MUC6: variants seen among roughly 807,000 people sequenced by gnomAD.
MUC6 encodes the protein mucin-6.
MUC6 carries 188 observed loss-of-function variants against 201.5 expected under a neutral mutation model. That is an observed-to-expected ratio of 0.93 (90% CI 0.83 to 1.05). MUC6 has a LOEUF of 1.05. MUC6 is among the 50% of genes least tolerant of loss of function. MUC6 has a pLI of 0.00. For synonymous variants in MUC6, 1,228 were observed against 1,389.4 expected (o/e 0.88, Z 2.58); for missense variants, 2,706 against 3,256.9 (o/e 0.83, Z 4.12).
At position 1,026,366 on chromosome 11, in the gene MUC6, T is replaced by A; in HGVS notation, c.2507A>T (p.Tyr836Phe). 2 of 1,602,490 alleles carry A rather than the reference T, an allele frequency of 1.2e-6. No homozygotes were observed. The change falls in exon 20 of 33, where the codon TAC (tyrosine) becomes TTC (phenylalanine). Residue 836 changes from tyrosine to phenylalanine, a missense_variant. Tyr to Phe is a conservative substitution (Grantham distance 22). Around this residue, in one of 10 missense-constraint regions of MUC6, gnomAD observed 1,850 missense variants for 1,958.3 expected, o/e 0.94. Transcript: ENST00000421673. Reference sequence around the variant, plus strand: ...AGTGTGGAGCTCAGCTCCTCCAGGGTAGGAGACCCCCGAGAACTCACATGG... The same window carrying A: ...AGTGTGGAGCTCAGCTCCTCCAGGGAAGGAGACCCCCGAGAACTCACATGG... Reference protein sequence around the residue: ...ECPCEFSGVSYPGGAELHTDC... With the variant: ...ECPCEFSGVSFPGGAELHTDC...
At chr11:1,036,054 G>C (rs530940682) in intron 1 of MUC6, among the ~76,000 whole-genome samples, 1 of 152,040 alleles carries the variant, frequency 6.6e-6, no homozygotes, top group Non-Finnish European at 1.5e-5. Context: ...CGGGGGAGAG[G>C]GCAGGCTGCC....
In MUC6 at chr11:1,033,845, G is replaced by C. The variant is rs972071006; in HGVS notation, c.53-770C>G. 2.6e-5 allele frequency among the ~76,000 whole-genome samples: 4 copies of C among 151,950 alleles called. No individual in the cohort carries two copies. The highest frequency in any genetic ancestry group is 5.9e-5 in the Non-Finnish European group (4 of 67,952). On this transcript the variant is annotated intron_variant, in intron 1 of 32. Transcript: ENST00000421673. The surrounding 1 kb of genome is among the most constrained non-coding windows in gnomAD (Gnocchi z 5.6). The stretch of plus-strand genomic sequence containing the variant: ...TGGCTCCCACGAGCCCCCGATGTCT[G>C]AGTGGTGGTGCGGCACCTGAGCAGG...
intron 26 of MUC6, among the ~76,000 whole-genome samples, chr11:1,023,215 G>A (rs1319209811): frequency 2.0e-5 from 3 of 152,034 alleles, no homozygotes; most frequent in African/African-American, 7.2e-5. Context: ...ATGAATGAAT[G>A]TGTGTGTAGT....
At chr11:1,028,601 T>C (rs370823043) in intron 13 of MUC6, 45 bp downstream of exon 13, 9 of 1,592,448 alleles carry the variant, frequency 5.7e-6, no homozygotes, top group African/African-American at 1.3e-5. Context: ...GGCCAGACCC[T>C]GTAGGGATGA....
chr11:1,015,558 C>T (rs751617673), intron 31 of MUC6, among the ~76,000 whole-genome samples: 18 of 152,102 alleles, frequency 1.2e-4, no homozygotes, highest in Non-Finnish European at 2.5e-4. Flanking sequence ...GGAGGCCAGG[C>T]ACTTGCTTGG....
rs1463476878 is a variant in MUC6, at chr11:1,012,832, AAGAACC to A, written c.*618_*623del. On this transcript the variant is annotated 3_prime_UTR_variant, in exon 33 of 33. Transcript: ENST00000421673. ...CAGGGACCAGCCTCTGTGCCTTGAC[AAGAACC>A]GGTTTATTTGGAGTCTCTGACCGGG... 3.3e-5 allele frequency: 5 copies of A among 153,194 alleles called. No homozygotes were observed. The highest frequency in any genetic ancestry group is 1.2e-4 in the African/African-American group (5 of 41,574). 9.5% of individuals were successfully genotyped at this position (153,194 alleles called of 1,614,324 possible).
At chr11:1,021,085 G>A (rs1399616024) in intron 27 of MUC6, 130 bp downstream of exon 27, 15 of 906,606 alleles carry the variant, frequency 1.7e-5, no homozygotes, top group African/African-American at 5.1e-5. Context: ...GTCCTGGAGA[G>A]TGGAGTCCCA....
At chr11:1,021,138 T>C (rs2133822278) in intron 27 of MUC6, 77 bp downstream of exon 27, 2 of 1,351,008 alleles carry the variant, frequency 1.5e-6, no homozygotes, top group Non-Finnish European at 2.0e-6. Flanking sequence ...CTCTCTCCCT[T>C]GTTTGTGGGA....
rs1384221611 is a variant in MUC6 at position 1,033,397 on chromosome 11, G to A, written c.53-322C>T. ...GGGTACTCATCCCTGGGGCTTCTGG[G>A]TGGGGCTAGGAGGGGCTGGTGCGGG... is the stretch of plus-strand genomic sequence containing the variant. On this transcript the variant is annotated intron_variant, in intron 1 of 32. Coordinates refer to ENST00000421673, the MANE Select transcript of MUC6 (RefSeq NM_005961.3). The surrounding 1 kb of genome is among the most constrained non-coding windows in gnomAD (Gnocchi z 5.6). Among the ~76,000 whole-genome samples the A allele has an allele frequency of 6.6e-6, 1 of 152,146 alleles. No individual in the cohort carries two copies. The highest frequency in any genetic ancestry group is 1.5e-5 in the Non-Finnish European group (1 of 67,990).
At chr11:1,021,046 C>T (rs2133822154) in intron 27 of MUC6, among the ~76,000 whole-genome samples, 169 bp downstream of exon 27, 1 of 152,308 alleles carries the variant, frequency 6.6e-6, no homozygotes, top group Admixed American at 6.5e-5. Flanking sequence ...TGGAGGCTGC[C>T]TGAGTCTCTG....
intron 19 of MUC6, among the ~76,000 whole-genome samples, chr11:1,026,728 C>T (rs1389534197): frequency 1.3e-5 from 2 of 152,270 alleles, no homozygotes; most frequent in African/African-American, 4.8e-5. Flanking sequence ...AGCCCACCCT[C>T]CCCGAGCTGG....
Position 1,029,106 on chromosome 11 carries a change from G to A in MUC6, c.1320C>T (p.Asp440=), listed in dbSNP as rs1201583132. 6.2e-7 allele frequency: 1 copy of A among 1,611,636 alleles called. No individual in the cohort carries two copies. Among genetic ancestry groups the A allele is most frequent in the Non-Finnish European group, 8.5e-7 (1 of 1,179,652 alleles). Residue 440 remains aspartate, a synonymous_variant, in exon 11 of 33, where the codon GAC becomes GAT. Coordinates refer to ENST00000421673, the MANE Select transcript of MUC6 (RefSeq NM_005961.3). ...PEDGALMAVY[D]KSGVSHSETS... is the part of the protein sequence containing the mutation. Reference sequence around the variant, plus strand: ...TCTCGGAGTGTGAGACGCCGGACTTGTCGTACACAGCCATGAGGGCACCGT... The same window carrying A: ...TCTCGGAGTGTGAGACGCCGGACTTATCGTACACAGCCATGAGGGCACCGT...
intron 1 of MUC6, among the ~76,000 whole-genome samples, chr11:1,034,596 C>A (rs368723009): frequency 1.3e-5 from 2 of 152,152 alleles, no homozygotes; most frequent in African/African-American, 4.8e-5. Context: ...GAGCTCTGAG[C>A]GGGAGGAGCA....
intron 19 of MUC6, 130 bp from the exon 20 acceptor site, chr11:1,026,608 C>T: frequency 8.4e-7 from 1 of 1,187,786 alleles, no homozygotes; most frequent in Non-Finnish European, 1.1e-6. Flanking sequence ...GCTCTGTGGC[C>T]TTTGTGGGCA....
At chr11:1,030,385 C>A in intron 7 of MUC6, 50 bp from the exon 8 acceptor site, 1 of 1,515,130 alleles carries the variant, frequency 6.6e-7, no homozygotes, top group Non-Finnish European at 8.9e-7. Flanking sequence ...CCCCACCCCT[C>A]CCTGCCCCAC....
chr11:1,031,720 G>T lies in MUC6; in HGVS notation c.370C>A (p.Pro124Thr). 6.4e-7 allele frequency: 1 copy of T among 1,550,736 alleles called. No homozygotes were observed. The highest frequency in any genetic ancestry group is 8.7e-7 in the Non-Finnish European group (1 of 1,146,996). ...SVKDIGVISLPYTSNGLQITP... is the reference protein window; with the variant it reads ...SVKDIGVISLTYTSNGLQITP... ...ATCTGGAGTCCATTGCTGGTATAGG[G>T]CAGGCTGATGACCCTGTGGGGCAAG... The change falls in exon 4 of 33, where the codon CCC (proline) becomes ACC (threonine). Residue 124 changes from proline to threonine, a missense_variant. Around this residue, in one of 10 missense-constraint regions of MUC6, gnomAD observed 1,850 missense variants for 1,958.3 expected, o/e 0.94. Coordinates refer to ENST00000421673, the MANE Select transcript of MUC6 (RefSeq NM_005961.3).
At chr11:1,030,522 G>T in intron 7 of MUC6, 51 bp downstream of exon 7, 2 of 1,463,818 alleles carry the variant, frequency 1.4e-6, no homozygotes, top group Non-Finnish European at 1.8e-6. Flanking sequence ...GGAGAGCTGG[G>T]TCTGGAGCCC....
At position 1,030,586 on chromosome 11, in the gene MUC6, G is replaced by A. The variant is rs1263574526; in HGVS notation, c.879C>T (p.Ser293=). ...CCCTGGACTCACAGCACAGGCCGGG[G>A]CTCCGCCAGCGGCGGACCGGCTGGC... is the stretch of plus-strand genomic sequence containing the variant. ...MVGQPVRRWR[S]PGLCSVGQCP... Residue 293 remains serine, a synonymous_variant, in exon 7 of 33, where the codon AGC becomes AGT. Coordinates refer to ENST00000421673, the MANE Select transcript of MUC6 (RefSeq NM_005961.3). 11 of 1,518,288 alleles carry A rather than the reference G, an allele frequency of 7.2e-6. No individual in the cohort carries two copies. Among genetic ancestry groups the A allele is most frequent in the South Asian group, 1.3e-5 (1 of 78,898 alleles). 94.1% of individuals were successfully genotyped at this position (1,518,288 alleles called of 1,614,324 possible).
At chr11:1,013,813 G>T in intron 32 of MUC6, 86 bp downstream of exon 32, 1 of 1,442,842 alleles carries the variant, frequency 6.9e-7, no homozygotes, top group African/African-American at 1.4e-5. Context: ...GGCAGCAGGC[G>T]CCTGGGTGGG....
Sources: gnomAD v4.1 joint callset for allele counts (sites outside exome capture counted in the v4.1 genomes callset) on GRCh38, gnomAD v4.1.1 for gene constraint, gnomAD v4.1.1 regional missense constraint, Gnocchi (gnomAD v3.1) non-coding constraint, MANE v1.5 for transcripts, NCBI Gene and HGNC (gene_info 2026-07-23, HGNC 2026-07-21) for gene names.